Variants in FRMD4A observed in about 807,000 individuals in gnomAD.
FRMD4A encodes FERM domain-containing protein 4A.
A neutral mutation model predicts 129.1 loss-of-function variants in FRMD4A; 29 were observed. The ratio of observed to expected loss-of-function variants is 0.22; its 90% CI spans 0.17 to 0.31. The LOEUF is 0.31. Among genes scored for constraint, FRMD4A ranks in the 10% least tolerant of loss-of-function variants. FRMD4A has a pLI of 1.00. For missense variants in FRMD4A, 1,272 were observed against 1,375.8 expected, an observed-to-expected ratio of 0.92 and a Z score of 1.19; for synonymous variants, 634 against 571.6, an observed-to-expected ratio of 1.11 and a Z score of -1.56.
At chr10:14,142,906 T>A (rs1347759145) in intron 2 of FRMD4A, among the ~76,000 whole-genome samples, 1 of 152,124 alleles carries the variant, frequency 6.6e-6, no homozygotes, top group Non-Finnish European at 1.5e-5. Context: ...ATGCTCAACA[T>A]CACTAATCAT....
At chr10:14,171,942 C>A (rs916272394) in intron 2 of FRMD4A, among the ~76,000 whole-genome samples, 1 of 152,190 alleles carries the variant, frequency 6.6e-6, no homozygotes, top group Non-Finnish European at 1.5e-5. Flanking sequence ...ACCACCTTGT[C>A]ACGGATATGT....
At chr10:14,019,416 T>C (rs2131643909) in intron 2 of FRMD4A, among the ~76,000 whole-genome samples, 1 of 152,320 alleles carries the variant, frequency 6.6e-6, no homozygotes, top group East Asian at 1.9e-4. Context: ...TCATAATGTA[T>C]AACATTTCTC....
At chr10:14,065,316 T>A (rs1835003994) in intron 2 of FRMD4A, among the ~76,000 whole-genome samples, 1 of 152,176 alleles carries the variant, frequency 6.6e-6, no homozygotes, top group African/African-American at 2.4e-5. Flanking sequence ...CCCGAGTAGC[T>A]GGGACTACAG....
intron 3 of FRMD4A, among the ~76,000 whole-genome samples, chr10:13,831,971 C>G (rs900320083): frequency 6.6e-6 from 1 of 152,086 alleles, no homozygotes; most frequent in Non-Finnish European, 1.5e-5. Context: ...CCTGCTGGCA[C>G]GTAATCTTCA....
chr10:14,135,556 C>T (rs576972973), intron 2 of FRMD4A, among the ~76,000 whole-genome samples: 1 of 152,198 alleles, frequency 6.6e-6, no homozygotes, highest in African/African-American at 2.4e-5. Flanking sequence ...CAATTAAACT[C>T]CTTTAAATTT....
intron 2 of FRMD4A, among the ~76,000 whole-genome samples, chr10:14,304,169 G>T (rs974288567): frequency 1.3e-5 from 2 of 152,144 alleles, no homozygotes; most frequent in African/African-American, 2.4e-5. Flanking sequence ...TTGCTGGATC[G>T]TATGGTAATT....
At chr10:14,134,317 G>T (rs1445168787) in intron 2 of FRMD4A, among the ~76,000 whole-genome samples, 1 of 149,742 alleles carries the variant, frequency 6.7e-6, no homozygotes, top group African/African-American at 2.5e-5. Flanking sequence ...GGGTGAATGG[G>T]TGGATAGATG....
chr10:14,291,805 T>G (rs889211250), intron 2 of FRMD4A, among the ~76,000 whole-genome samples: 1 of 151,742 alleles, frequency 6.6e-6, no homozygotes, highest in Non-Finnish European at 1.5e-5. Flanking sequence ...GATAAAAAAC[T>G]ATATACATAT....
At position 13,875,639 on chromosome 10, in the gene FRMD4A, C is replaced by T. The variant is rs374523943; in HGVS notation, c.46-16727G>A. 4.5e-4 allele frequency among the ~76,000 whole-genome samples: 69 copies of T among 152,142 alleles called. 2 individuals are homozygous for T. The highest frequency in any genetic ancestry group is 1.6e-3 in the African/African-American group (68 of 41,480). On this transcript the variant is annotated intron_variant, in intron 2 of 24. Transcript: ENST00000357447. ...GGAAATCTGTATTCAATTGTGGGTA[C>T]CATATTTTATACAAGAAAATGAAAG...
At chr10:13,894,037 C>T (rs1190180035) in intron 2 of FRMD4A, among the ~76,000 whole-genome samples, 1 of 152,120 alleles carries the variant, frequency 6.6e-6, no homozygotes, top group African/African-American at 2.4e-5. Context: ...AGCTCATTTC[C>T]CTCCCTCCTT....
intron 2 of FRMD4A, among the ~76,000 whole-genome samples, chr10:14,147,151 T>C (rs1450549084): frequency 1.3e-5 from 2 of 152,190 alleles, no homozygotes; most frequent in Non-Finnish European, 2.9e-5. Flanking sequence ...AGGAACACAT[T>C]TTCCTTTTCT....
intron 2 of FRMD4A, among the ~76,000 whole-genome samples, chr10:14,228,170 C>A (rs913963684): frequency 1.3e-5 from 2 of 152,200 alleles, no homozygotes; most frequent in Non-Finnish European, 2.9e-5. Context: ...CCGCACCCAG[C>A]ATAGAAGTTT....
intron 2 of FRMD4A, among the ~76,000 whole-genome samples, chr10:14,237,022 A>T (rs1007971739): frequency 7.2e-6 from 1 of 138,118 alleles, no homozygotes; most frequent in African/African-American, 2.7e-5. Context: ...AAAAAAAAAA[A>T]TCGGTTTTTA....
At chr10:14,254,186 A>G (rs938561549) in intron 2 of FRMD4A, among the ~76,000 whole-genome samples, 1 of 152,198 alleles carries the variant, frequency 6.6e-6, no homozygotes, top group Non-Finnish European at 1.5e-5. Context: ...AAATCCATGG[A>G]ACATGATGGC....
At chr10:13,855,829 A>G (rs2094204524) in intron 3 of FRMD4A, among the ~76,000 whole-genome samples, 1 of 152,140 alleles carries the variant, frequency 6.6e-6, no homozygotes, top group African/African-American at 2.4e-5. Flanking sequence ...CAACAGATAG[A>G]ATCCTGGGCA....
chr10:13,964,198 CA>C (rs2095467981), intron 2 of FRMD4A, among the ~76,000 whole-genome samples: 1 of 150,800 alleles, frequency 6.6e-6, no homozygotes, highest in Non-Finnish European at 1.5e-5. Flanking sequence ...GCGGTTTCTA[CA>C]AATAGACCAA....
At chr10:13,881,907 A>T (rs1464553357) in intron 2 of FRMD4A, among the ~76,000 whole-genome samples, 1 of 151,172 alleles carries the variant, frequency 6.6e-6, no homozygotes, top group African/African-American at 2.4e-5. Context: ...CAGGAAAGGG[A>T]TGGGAGGGGA....
intron 2 of FRMD4A, among the ~76,000 whole-genome samples, chr10:13,863,754 T>C (rs964315489): frequency 0.044 from 39 of 888 alleles, no homozygotes; most frequent in Non-Finnish European, 0.091. Context: ...AATATGTTAC[T>C]TTTTTTTTCA....
intron 2 of FRMD4A, among the ~76,000 whole-genome samples, chr10:13,884,141 C>T (rs1287560032): frequency 8.2e-5 from 2 of 24,488 alleles, no homozygotes. Context: ...CGCTCACACA[C>T]ACTCTCACAC....
Sources: gnomAD v4.1 joint callset for allele counts (sites outside exome capture counted in the v4.1 genomes callset) on GRCh38, gnomAD v4.1.1 for gene constraint, MANE v1.5 for transcripts, NCBI Gene and HGNC (gene_info 2026-07-23, HGNC 2026-07-21) for gene names.